Variants in MACF1 observed in about 807,000 individuals in gnomAD.
MACF1 encodes microtubule actin crosslinking factor 1, also known as microtubule-actin cross-linking factor 1.
In MACF1, 193 loss-of-function variants were observed where a neutral mutation model predicts 854.8. That is an observed-to-expected ratio of 0.23 (90% CI 0.20 to 0.25). The LOEUF (loss-of-function observed/expected upper bound fraction) is 0.25. Ranked by LOEUF, MACF1 falls within the 10% of genes least tolerant of loss-of-function variation. MACF1 has a pLI of 1.00. For missense variants in MACF1, 7,722 were observed against 8,929.1 expected (o/e 0.86, Z 5.45); for synonymous variants, 3,185 against 3,226.7 (o/e 0.99, Z 0.44).
intron 92 of MACF1, 89 bp from the exon 93 acceptor site, chr1:39,461,791 CAAA>C (rs59393084): frequency 0.056 from 19,307 of 344,238 alleles, 2 homozygotes; most frequent in South Asian, 0.09. Flanking sequence ...GACCTTGTCT[CAAA>C]AAAAAAAAAA....
chr1:39,383,562 C>G (rs1004456951), intron 56 of MACF1, among the ~76,000 whole-genome samples: 1 of 151,960 alleles, frequency 6.6e-6, no homozygotes, highest in Admixed American at 6.6e-5. Context: ...TAGCATTTTC[C>G]GAAACATAAA....
At chr1:39,412,768 T>G (rs1318639021) in intron 58 of MACF1, 1 of 1,612,948 alleles carries the variant, frequency 6.2e-7, no homozygotes, top group East Asian at 2.2e-5. Flanking sequence ...CCAGAGACCT[T>G]CCCGGACTGC....
intron 58 of MACF1, among the ~76,000 whole-genome samples, chr1:39,392,759 A>G (rs1323594331): frequency 6.6e-6 from 1 of 152,190 alleles, no homozygotes; most frequent in Non-Finnish European, 1.5e-5. Context: ...TGGAATACTA[A>G]AATACATTAT....
At chr1:39,306,512 A>G (rs1321523503) in intron 23 of MACF1, among the ~76,000 whole-genome samples, 2 of 151,850 alleles carry the variant, frequency 1.3e-5, no homozygotes, top group Non-Finnish European at 2.9e-5. Flanking sequence ...GTTGTCTCCA[A>G]ACTCTCCTAC....
At position 39,456,179 on chromosome 1, in the gene MACF1, T is replaced by C. The variant is rs557330420; in HGVS notation, c.21075+1082T>C. Among the ~76,000 whole-genome samples, 8 of 152,204 alleles carry C rather than the reference T, an allele frequency of 5.3e-5. No individual in the cohort carries two copies. The South Asian group carries it at 8.3e-4, about 16-fold the overall frequency. ...TGAAACCCTATCTCTACTAAAAATATAAAAATTAGTCGGGTGTGGTTGTGG... is the reference window on the plus strand; with the variant it reads ...TGAAACCCTATCTCTACTAAAAATACAAAAATTAGTCGGGTGTGGTTGTGG... On this transcript the variant is annotated intron_variant, in intron 89 of 100. Coordinates refer to ENST00000564288, the MANE Select transcript of MACF1 (RefSeq NM_001394062.1).
chr1:39,334,815 G>T lies in MACF1; in HGVS notation c.8227G>T (p.Val2743Leu). 6.2e-7 allele frequency: 1 copy of T among 1,614,144 alleles called. No individual in the cohort carries two copies. The highest frequency in any genetic ancestry group is 1.3e-5 in the African/African-American group (1 of 75,044). ...ATTTAGTGATCAGAGAGTGACTTTA[G>T]TAGAAGCTATTGAGAAAAGACTGAT... is the stretch of plus-strand genomic sequence containing the variant. ...DIFSDQRVTL[V>L]EAIEKRLISP... The change falls in exon 37 of 101, where the codon GTA becomes TTA. Residue 2743 changes from valine to leucine, a missense_variant. Val to Leu is a conservative substitution (Grantham distance 32). Transcript: ENST00000564288.
At chr1:39,240,500 TG>T (rs1434276863) in intron 2 of MACF1, among the ~76,000 whole-genome samples, 5 of 152,122 alleles carry the variant, frequency 3.3e-5, no homozygotes, top group African/African-American at 1.2e-4. Flanking sequence ...CTACATTTTG[TG>T]GATTTTATTT....
At chr1:39,224,218 C>T (rs1433249137) in intron 1 of MACF1, among the ~76,000 whole-genome samples, 1 of 151,874 alleles carries the variant, frequency 6.6e-6, no homozygotes, top group Non-Finnish European at 1.5e-5. Flanking sequence ...AAACATTTTG[C>T]ATGTAATTTT....
intron 58 of MACF1, chr1:39,412,176 T>G (rs755342342): frequency 6.2e-7 from 1 of 1,613,974 alleles, no homozygotes; most frequent in Non-Finnish European, 8.5e-7. Context: ...GAGACTGCAG[T>G]CAAACTGAGG....
At chr1:39,150,619 A>G (rs1643560203) in intron 2 of MACF1, among the ~76,000 whole-genome samples, 1 of 152,156 alleles carries the variant, frequency 6.6e-6, no homozygotes, top group South Asian at 2.1e-4. Context: ...GAAGAATGGT[A>G]TATACCTGCC....
At chr1:39,452,130 A>C (rs1229025380) in intron 85 of MACF1, 26 bp from the exon 86 acceptor site, 5 of 1,562,928 alleles carry the variant, frequency 3.2e-6, no homozygotes, top group Non-Finnish European at 4.3e-6. Flanking sequence ...CCTTGAACAA[A>C]CAAATTCTCC....
rs1433413397 is a variant in MACF1, at chr1:39,442,230, T to A, written c.18858T>A (p.Thr6286=). The A allele has an allele frequency of 6.2e-7, 1 of 1,610,430 alleles. No homozygotes were observed. The highest frequency in any genetic ancestry group is 1.7e-5 in the Admixed American group (1 of 58,740). ...GTGAACTGATGTTAAAGAAAGCTACTGATGAGACGGACAGAGACATTATAC... is the reference window on the plus strand; with the variant it reads ...GTGAACTGATGTTAAAGAAAGCTACAGATGAGACGGACAGAGACATTATAC... ...HQGELMLKKA[T]DETDRDIIRE... Residue 6286 remains threonine, a synonymous_variant, in exon 76 of 101, where the codon ACT becomes ACA. Transcript: ENST00000564288.
chr1:39,113,102 G>T (rs965905115), intron 2 of MACF1, among the ~76,000 whole-genome samples: 3 of 151,908 alleles, frequency 2.0e-5, no homozygotes, highest in Admixed American at 1.3e-4. Context: ...CATTAATCCT[G>T]CCCATCACAT....
intron 22 of MACF1, 142 bp downstream of exon 22, chr1:39,300,504 A>C: frequency 1.5e-6 from 1 of 679,236 alleles, no homozygotes; most frequent in South Asian, 2.4e-5. Flanking sequence ...CTCTCCTATC[A>C]TTTAAAAAAA....
chr1:39,470,792 T>C (rs970504298), intron 97 of MACF1, among the ~76,000 whole-genome samples: 2 of 152,250 alleles, frequency 1.3e-5, no homozygotes, highest in Admixed American at 6.5e-5. Context: ...TCCAAATCTA[T>C]GAATAAGGTC....
chr1:39,351,816 G>C (rs1647193437), intron 43 of MACF1, among the ~76,000 whole-genome samples: 2 of 151,952 alleles, frequency 1.3e-5, no homozygotes, highest in South Asian at 4.2e-4. Flanking sequence ...TCAAACTCCT[G>C]ACCTCAAGTG....
At chr1:39,484,093 C>T (rs983276624) in intron 99 of MACF1, among the ~76,000 whole-genome samples, 3 of 152,154 alleles carry the variant, frequency 2.0e-5, no homozygotes, top group Admixed American at 1.3e-4. Context: ...GCAGAGCTTG[C>T]GGTGATCCGA....
intron 58 of MACF1, among the ~76,000 whole-genome samples, chr1:39,408,825 C>G (rs375428469): frequency 6.6e-6 from 1 of 151,896 alleles, no homozygotes; most frequent in Non-Finnish European, 1.5e-5. Flanking sequence ...GCTGGCGTCC[C>G]GGGTCTCTCG....
chr1:39,462,545 C>T (rs1383874759), intron 93 of MACF1, among the ~76,000 whole-genome samples: 1 of 35,696 alleles, frequency 2.8e-5, no homozygotes, highest in Non-Finnish European at 6.4e-5. Flanking sequence ...TCTGTCCCCC[C>T]CGCCAAAAAA....
Sources: allele counts gnomAD v4.1 joint callset (sites outside exome capture counted in the v4.1 genomes callset), GRCh38; gene constraint gnomAD v4.1.1; transcripts MANE v1.5; gene names NCBI Gene and HGNC (gene_info 2026-07-23, HGNC 2026-07-21).